The following ATRNL1 variants were observed in gnomAD, a reference collection of about 807,000 sequenced individuals.
ATRNL1 encodes attractin-like protein 1.
In ATRNL1, 95 loss-of-function variants were observed where a neutral mutation model predicts 182.7. The ratio of observed to expected loss-of-function variants is 0.52; its 90% CI spans 0.44 to 0.62. The LOEUF is 0.62. Among genes scored for constraint, ATRNL1 ranks in the 20% least tolerant of loss-of-function variants. The pLI, the probability that ATRNL1 is intolerant of heterozygous loss-of-function variation, is 0.00. For missense variants in ATRNL1, 1,471 were observed against 1,679.5 expected, an observed-to-expected ratio of 0.88 and a Z score of 2.17; for synonymous variants, 576 against 568.3, an observed-to-expected ratio of 1.01 and a Z score of -0.19.
intron 8 of ATRNL1, among the ~76,000 whole-genome samples, chr10:115,193,225 G>T (rs938575171): frequency 6.6e-6 from 1 of 151,934 alleles, no homozygotes; most frequent in Non-Finnish European, 1.5e-5. Flanking sequence ...TTAAACTATT[G>T]AAGTATGTTT....
chr10:115,948,016 G>T lies in ATRNL1; in HGVS notation c.*3237G>T, dbSNP rs1319367707. 1 of 152,162 alleles carries T rather than the reference G, an allele frequency of 6.6e-6. No homozygotes were observed. Among genetic ancestry groups the T allele is most frequent in the African/African-American group, 2.4e-5 (1 of 41,442 alleles). 9.4% of individuals were successfully genotyped at this position (152,162 alleles called of 1,614,324 possible). A position where few individuals can be genotyped will look rare whatever the true frequency, so the allele number is the denominator to read the frequency against. The stretch of plus-strand genomic sequence containing the variant: ...ACTCTTTTTCTACCAGTTGTTTTAT[G>T]AATCCACCTATTAATTTTCATCCAT... On this transcript the variant is annotated 3_prime_UTR_variant, in exon 29 of 29. Coordinates refer to ENST00000355044, the MANE Select transcript of ATRNL1 (RefSeq NM_207303.4).
intron 21 of ATRNL1, among the ~76,000 whole-genome samples, chr10:115,430,354 A>G (rs1333880285): frequency 5.3e-5 from 8 of 151,840 alleles, no homozygotes; most frequent in African/African-American, 1.9e-4. Context: ...TTTGTCTTTA[A>G]TAATTTCCTT....
At chr10:115,259,178 CT>C (rs1315199622) in intron 10 of ATRNL1, among the ~76,000 whole-genome samples, 1 of 152,216 alleles carries the variant, frequency 6.6e-6, no homozygotes, top group Non-Finnish European at 1.5e-5. Flanking sequence ...ACTTTTAAGT[CT>C]GCAGAAGTTG....
chr10:115,458,531 A>G (rs1847636703), intron 21 of ATRNL1, among the ~76,000 whole-genome samples: 1 of 151,988 alleles, frequency 6.6e-6, no homozygotes, highest in African/African-American at 2.4e-5. Flanking sequence ...CTTCATACTG[A>G]TCTAGTATTT....
At chr10:115,243,471 G>A (rs1189993085) in intron 10 of ATRNL1, among the ~76,000 whole-genome samples, 39 of 152,070 alleles carry the variant, frequency 2.6e-4, no homozygotes, top group South Asian at 4.1e-4. Context: ...TTGTAGCATG[G>A]TACTATTATC....
At chr10:115,124,778 T>C (rs1554872862) in intron 3 of ATRNL1, among the ~76,000 whole-genome samples, 1 of 152,126 alleles carries the variant, frequency 6.6e-6, no homozygotes, top group Non-Finnish European at 1.5e-5. Context: ...GACACTCCCA[T>C]CACTCAGGAA....
At chr10:115,307,100 T>G (rs1554926444) in intron 17 of ATRNL1, among the ~76,000 whole-genome samples, 1 of 152,210 alleles carries the variant, frequency 6.6e-6, no homozygotes, top group Non-Finnish European at 1.5e-5. Context: ...CTTCTACCAT[T>G]TGTTCCTTGA....
chr10:115,216,140 T>G (rs1554896205), intron 9 of ATRNL1, among the ~76,000 whole-genome samples: 1 of 152,230 alleles, frequency 6.6e-6, no homozygotes, highest in African/African-American at 2.4e-5. Context: ...TCATCTAACT[T>G]CCTGTGAAAT....
intron 17 of ATRNL1, among the ~76,000 whole-genome samples, chr10:115,305,962 T>C (rs1853709052): frequency 6.6e-6 from 1 of 152,178 alleles, no homozygotes; most frequent in Admixed American, 6.5e-5. Context: ...TAATTGTATG[T>C]GTGTTATATT....
chr10:115,276,391 G>A (rs769447701), intron 13 of ATRNL1, among the ~76,000 whole-genome samples: 4 of 152,226 alleles, frequency 2.6e-5, no homozygotes, highest in Middle Eastern at 3.4e-3. Context: ...CTTAAAAATT[G>A]TATTATGTAA....
chr10:115,893,666 GT>G (rs1415129877), intron 28 of ATRNL1, among the ~76,000 whole-genome samples: 1 of 152,188 alleles, frequency 6.6e-6, no homozygotes. Flanking sequence ...AGAAAACAGA[GT>G]TCCAGCCACT....
chr10:115,549,095 G>A (rs145360750), intron 25 of ATRNL1, among the ~76,000 whole-genome samples: 3 of 151,916 alleles, frequency 2.0e-5, no homozygotes, highest in Non-Finnish European at 2.9e-5. Flanking sequence ...ATGTACATGT[G>A]TGACGTTTGG....
At chr10:115,139,178 A>T (rs1845650157) in intron 5 of ATRNL1, among the ~76,000 whole-genome samples, 1 of 152,230 alleles carries the variant, frequency 6.6e-6, no homozygotes, top group Non-Finnish European at 1.5e-5. Context: ...TGTCAAAGTC[A>T]TTCGACAAGT....
intron 24 of ATRNL1, among the ~76,000 whole-genome samples, chr10:115,487,559 T>C (rs1849085456): frequency 6.6e-6 from 1 of 152,226 alleles, no homozygotes; most frequent in Non-Finnish European, 1.5e-5. Flanking sequence ...GGAATGCTTA[T>C]GTTTTTTGCA....
intron 27 of ATRNL1, among the ~76,000 whole-genome samples, chr10:115,766,707 G>A (rs936983378): frequency 6.6e-6 from 1 of 152,186 alleles, no homozygotes; most frequent in Non-Finnish European, 1.5e-5. Flanking sequence ...ACAATCAAGT[G>A]TAGAAAAAGT....
chr10:115,797,414 C>A (rs1440298000), intron 27 of ATRNL1, among the ~76,000 whole-genome samples: 3 of 152,052 alleles, frequency 2.0e-5, no homozygotes, highest in African/African-American at 7.2e-5. Flanking sequence ...AAGCAGGTAT[C>A]AACTTTTATA....
At chr10:115,766,868 A>G (rs2052785834) in intron 27 of ATRNL1, among the ~76,000 whole-genome samples, 1 of 152,136 alleles carries the variant, frequency 6.6e-6, no homozygotes, top group African/African-American at 2.4e-5. Context: ...AAAGCCTTGG[A>G]ATTTGAGTGC....
intron 26 of ATRNL1, among the ~76,000 whole-genome samples, chr10:115,628,283 A>C (rs577195612): frequency 2.0e-5 from 3 of 152,118 alleles, no homozygotes; most frequent in African/African-American, 7.2e-5. Context: ...AGCTATTCTC[A>C]TGGGTGTGAG....
At chr10:115,126,857 A>T (rs1389896409) in intron 3 of ATRNL1, among the ~76,000 whole-genome samples, 3 of 152,200 alleles carry the variant, frequency 2.0e-5, no homozygotes, top group African/African-American at 7.2e-5. Context: ...CTAAATGAAG[A>T]TAGGTAATTT....
Sources: gnomAD v4.1 joint callset for allele counts (sites outside exome capture counted in the v4.1 genomes callset) on GRCh38, gnomAD v4.1.1 for gene constraint, MANE v1.5 for transcripts, NCBI Gene and HGNC (gene_info 2026-07-23, HGNC 2026-07-21) for gene names.